FRMD6: variants seen among roughly 807,000 people sequenced by gnomAD.
The protein encoded by FRMD6 is FERM domain-containing protein 6.
In FRMD6, 37 loss-of-function variants were observed where a neutral mutation model predicts 73.2. That is an observed-to-expected ratio of 0.51 (90% CI 0.39 to 0.66). The LOEUF is 0.66. Among genes scored for constraint, FRMD6 ranks in the 30% least tolerant of loss-of-function variants. The pLI, the probability that FRMD6 is intolerant of heterozygous loss-of-function variation, is 0.00. For synonymous variants in FRMD6, 273 were observed against 282.2 expected (o/e 0.97, Z 0.33); for missense variants, 714 against 780.5 (o/e 0.91, Z 1.02).
intron 1 of FRMD6, among the ~76,000 whole-genome samples, chr14:51,527,519 G>T (rs1045922758): frequency 6.6e-6 from 1 of 152,146 alleles, no homozygotes; most frequent in Non-Finnish European, 1.5e-5. Flanking sequence ...GACCCATAAG[G>T]AAAATAGTAC....
upstream of FRMD6, among the ~76,000 whole-genome samples, chr14:51,647,464 T>G (rs1892128515): frequency 6.6e-6 from 1 of 152,222 alleles, no homozygotes; most frequent in African/African-American, 2.4e-5. Context: ...ATTTTAAATG[T>G]TAGGCAGTGA....
intron 1 of FRMD6, among the ~76,000 whole-genome samples, chr14:51,661,955 T>C (rs1893246187): frequency 6.6e-6 from 1 of 152,156 alleles, no homozygotes; most frequent in Admixed American, 6.6e-5. Context: ...TTCAGCAGGC[T>C]TTGTCAGGGT....
chr14:51,468,235 G>C, the FRMD6 span, among the ~76,000 whole-genome samples: 94,712 of 149,912 alleles, frequency 0.63, 30,185 homozygotes, highest in East Asian at 0.8. Flanking sequence ...AGCGGAGATG[G>C]TGGCAGTACA....
At chr14:51,633,326 G>T (rs1891409501) in intron 2 of FRMD6, among the ~76,000 whole-genome samples, 1 of 149,620 alleles carries the variant, frequency 6.7e-6, no homozygotes, top group Non-Finnish European at 1.5e-5. Flanking sequence ...TTTTGGCTGG[G>T]TGCGGTAGCT....
intron 1 of FRMD6, among the ~76,000 whole-genome samples, chr14:51,544,588 C>T (rs1332451274): frequency 1.3e-5 from 2 of 151,616 alleles, no homozygotes; most frequent in East Asian, 1.9e-4. Context: ...TGTGTCATGC[C>T]TTGAATTCTC....
chr14:51,683,222 A>G (rs980540278), intron 1 of FRMD6, among the ~76,000 whole-genome samples: 2 of 152,154 alleles, frequency 1.3e-5, no homozygotes, highest in East Asian at 3.8e-4. Flanking sequence ...ATTTTTATTA[A>G]TCAGTTGTAG....
At chr14:51,478,065 C>T in the FRMD6 span, among the ~76,000 whole-genome samples, 6 of 152,120 alleles carry the variant, frequency 3.9e-5, 1 homozygote. Context: ...TGTTATATGA[C>T]ATGTTATATC....
intron 1 of FRMD6, among the ~76,000 whole-genome samples, chr14:51,559,490 T>TTG (rs1887358316): frequency 6.6e-6 from 1 of 151,512 alleles, no homozygotes; most frequent in Non-Finnish European, 1.5e-5. Context: ...TTTTTTTTTT[T>TTG]TTTTAAGCAA....
At chr14:51,518,296 A>C (rs914622064) in intron 1 of FRMD6, among the ~76,000 whole-genome samples, 3 of 152,238 alleles carry the variant, frequency 2.0e-5, no homozygotes, top group Admixed American at 6.5e-5. Context: ...AATCAAGGAC[A>C]CAAAAGAAAT....
At chr14:51,635,587 T>TA (rs974240781) in intron 2 of FRMD6, among the ~76,000 whole-genome samples, 1 of 152,234 alleles carries the variant, frequency 6.6e-6, no homozygotes, top group Non-Finnish European at 1.5e-5. Flanking sequence ...ACGTTTTAAG[T>TA]AAATTTTACC....
At chr14:51,410,411 G>A in the FRMD6 span, among the ~76,000 whole-genome samples, 2 of 152,140 alleles carry the variant, frequency 1.3e-5, no homozygotes, top group African/African-American at 4.8e-5. Context: ...CTCAAAAAAT[G>A]CTTACTTTCT....
intron 1 of FRMD6, among the ~76,000 whole-genome samples, chr14:51,656,633 C>G (rs1389521417): frequency 2.0e-5 from 3 of 152,098 alleles, no homozygotes; most frequent in East Asian, 1.9e-4. Context: ...AGGCTGATCT[C>G]AAACTCCTGA....
intron 1 of FRMD6, chr14:51,554,521 T>G (rs1002902023): frequency 6.6e-6 from 1 of 152,230 alleles, no homozygotes; most frequent in Non-Finnish European, 1.5e-5. Flanking sequence ...CAAGTCATGT[T>G]GATGCTATGT....
intron 1 of FRMD6, among the ~76,000 whole-genome samples, chr14:51,658,852 G>A (rs911295560): frequency 6.6e-6 from 1 of 152,130 alleles, no homozygotes; most frequent in Admixed American, 6.6e-5. Flanking sequence ...CAGAGCTTCA[G>A]CTTAAGCTCA....
At chr14:51,652,879 G>A (rs2140101805) in intron 1 of FRMD6, among the ~76,000 whole-genome samples, 1 of 152,328 alleles carries the variant, frequency 6.6e-6, no homozygotes, top group Admixed American at 6.5e-5. Flanking sequence ...TAACCTAATG[G>A]TGCGGGCGTT....
upstream of FRMD6, among the ~76,000 whole-genome samples, chr14:51,649,244 TTAAC>T: frequency 6.6e-6 from 1 of 152,200 alleles, no homozygotes; most frequent in East Asian, 1.9e-4. Flanking sequence ...GCAAAATATT[TTAAC>T]TAAGAGTCTC....
intron 1 of FRMD6, among the ~76,000 whole-genome samples, chr14:51,508,095 C>T (rs1048519792): frequency 1.1e-4 from 17 of 152,232 alleles, no homozygotes; most frequent in African/African-American, 4.1e-4. Flanking sequence ...TTCAGCCCCT[C>T]AGTCCTCCCT....
chr14:51,646,652 A>AATACATGAG (rs1892088589), intron 2 of FRMD6, among the ~76,000 whole-genome samples: 1 of 150,998 alleles, frequency 6.6e-6, no homozygotes, highest in Non-Finnish European at 1.5e-5. Context: ...ACACAAACAG[A>AATACATGAG]ATACATGAGT....
At chr14:51,621,574 G>A (rs1192609233) in intron 2 of FRMD6, among the ~76,000 whole-genome samples, 4 of 152,192 alleles carry the variant, frequency 2.6e-5, no homozygotes, top group African/African-American at 9.7e-5. Context: ...AAGCATAACA[G>A]AGAGGACAAC....
Sources: gnomAD v4.1 joint callset for allele counts (sites outside exome capture counted in the v4.1 genomes callset) on GRCh38, gnomAD v4.1.1 for gene constraint, MANE v1.5 for transcripts, NCBI Gene and HGNC (gene_info 2026-07-23, HGNC 2026-07-21) for gene names.